The following DOCK3 variants were observed in gnomAD, a reference collection of about 807,000 sequenced individuals.
The protein encoded by DOCK3 is dedicator of cytokinesis 3, also known as dedicator of cytokinesis protein 3.
A neutral mutation model predicts 265.6 loss-of-function variants in DOCK3; 60 were observed. The observed-to-expected ratio is 0.23, with a 90% confidence interval of 0.18 to 0.28. The LOEUF (loss-of-function observed/expected upper bound fraction) is 0.28, where lower values mean the gene tolerates loss of function less well. Among genes scored for constraint, DOCK3 ranks in the 10% least tolerant of loss-of-function variants. The probability of loss-of-function intolerance (pLI) is 1.00; values close to 1 mark genes in which losing one functional copy is unlikely to be tolerated. For missense variants in DOCK3, 1,981 were observed against 2,594.3 expected, an observed-to-expected ratio of 0.76 and a Z score of 5.14; for synonymous variants, 881 against 938.0, an observed-to-expected ratio of 0.94 and a Z score of 1.11.
At chr3:51,356,941 C>A in intron 43 of DOCK3, 21 bp from the exon 44 acceptor site, 1 of 1,602,410 alleles carries the variant, frequency 6.2e-7, no homozygotes, top group Non-Finnish European at 8.5e-7. Context: ...TGGGATGACT[C>A]TGTGTGCTGT....
intron 5 of DOCK3, among the ~76,000 whole-genome samples, chr3:51,058,489 G>T (rs1403932297): frequency 6.6e-6 from 1 of 152,066 alleles, no homozygotes; most frequent in Non-Finnish European, 1.5e-5. Flanking sequence ...TGTGCGTGTG[G>T]CATAGATATT....
intron 1 of DOCK3, among the ~76,000 whole-genome samples, chr3:50,726,615 T>C (rs2037847785): frequency 6.6e-6 from 1 of 152,212 alleles, no homozygotes; most frequent in Non-Finnish European, 1.5e-5. Context: ...TATTATTTTT[T>C]TTCTGTTTTG....
chr3:51,280,661 TGC>T (rs2081060046), intron 27 of DOCK3, among the ~76,000 whole-genome samples: 1 of 152,194 alleles, frequency 6.6e-6, no homozygotes, highest in Non-Finnish European at 1.5e-5. Context: ...ACTGCTCATT[TGC>T]TGCCAAACTC....
At chr3:51,150,212 T>A (rs2085511963) in intron 10 of DOCK3, among the ~76,000 whole-genome samples, 1 of 152,188 alleles carries the variant, frequency 6.6e-6, no homozygotes, top group Non-Finnish European at 1.5e-5. Flanking sequence ...TTATTATGTC[T>A]ATTTGTTTCT....
Position 51,214,260 on chromosome 3 carries a change from G to T in DOCK3, c.1252+13G>T. 6.2e-7 allele frequency: 1 copy of T among 1,612,944 alleles called. No homozygotes were observed. The highest frequency in any genetic ancestry group is 8.5e-7 in the Non-Finnish European group (1 of 1,179,392). On this transcript the variant is annotated intron_variant, in intron 14 of 52. Transcript: ENST00000266037. ...GTCATTATGCCAGGTATGCAGAACT[G>T]CTTGGGGCTGGGAAGGAAGATGGGT...
chr3:50,710,863 A>T (rs1250436048), intron 1 of DOCK3, among the ~76,000 whole-genome samples: 1 of 152,224 alleles, frequency 6.6e-6, no homozygotes, highest in Non-Finnish European at 1.5e-5. Context: ...AGCAACCTGG[A>T]TGGAGTTGGA....
intron 38 of DOCK3, 55 bp from the exon 39 acceptor site, chr3:51,348,797 G>T (rs2085768339): frequency 6.6e-7 from 1 of 1,515,004 alleles, no homozygotes; most frequent in South Asian, 1.2e-5. Context: ...TTTAATGTGG[G>T]CTTAGGCTAT....
At chr3:51,007,247 A>G (rs1203962817) in intron 5 of DOCK3, among the ~76,000 whole-genome samples, 2 of 152,324 alleles carry the variant, frequency 1.3e-5, no homozygotes, top group African/African-American at 4.8e-5. Flanking sequence ...CCAACAGTGT[A>G]AAAGTGTTCC....
At chr3:51,177,118 A>G (rs1403999338) in intron 12 of DOCK3, among the ~76,000 whole-genome samples, 1 of 152,194 alleles carries the variant, frequency 6.6e-6, no homozygotes, top group East Asian at 1.9e-4. Flanking sequence ...ACAGAGGAGG[A>G]TATGGTCACA....
At chr3:51,287,930 T>C (rs1048792713) in intron 27 of DOCK3, among the ~76,000 whole-genome samples, 5 of 152,232 alleles carry the variant, frequency 3.3e-5, no homozygotes, top group South Asian at 2.1e-4. Context: ...GTGCTACATA[T>C]ACACGTTGGA....
chr3:50,675,391 C>A lies in DOCK3; in HGVS notation c.37+91C>A. The stretch of plus-strand genomic sequence containing the variant: ...CTGGATTCGCATCCTCGTGCCCCCG[C>A]CACTGCCCGCAGGCTGCGCGGCCTC... On this transcript the variant is annotated intron_variant, in intron 1 of 52. Coordinates refer to ENST00000266037, the MANE Select transcript of DOCK3 (RefSeq NM_004947.5). The surrounding 1 kb of genome is among the most constrained non-coding windows in gnomAD (Gnocchi z 6.1). 2 of 1,094,866 alleles carry A rather than the reference C, an allele frequency of 1.8e-6. No homozygotes were observed. The highest frequency in any genetic ancestry group is 1.1e-6 in the Non-Finnish European group (1 of 876,380). 67.8% of individuals were successfully genotyped at this position (1,094,866 alleles called of 1,614,324 possible).
intron 3 of DOCK3, chr3:50,863,323 A>G (rs2046997770): frequency 6.1e-6 from 3 of 488,874 alleles, no homozygotes; most frequent in Non-Finnish European, 1.2e-5. Context: ...TTCAGGTCTG[A>G]GGGGAATGCA....
intron 2 of DOCK3, among the ~76,000 whole-genome samples, chr3:50,817,198 G>T (rs1226499691): frequency 2.0e-5 from 3 of 152,186 alleles, no homozygotes; most frequent in Admixed American, 2.0e-4. Context: ...GAGTGTAGCA[G>T]TGAGGACAAC....
chr3:51,312,154 T>G, intron 29 of DOCK3, 75 bp downstream of exon 29: 1 of 1,332,910 alleles, frequency 7.5e-7, no homozygotes, highest in Non-Finnish European at 1.0e-6. Context: ...ACTTGTTTTT[T>G]GCTTTATTAA....
At position 51,160,646 on chromosome 3, in the gene DOCK3, C is replaced by T; in HGVS notation, c.981C>T (p.Val327=). ...GTGCGGTCCTAAGCATCTTGGATGT[C>T]CTACAGTCACTCACAGAAGTAAAGG... ...YGCAVLSILD[V]LQSLTEVKEE... The change falls in exon 12 of 53, where the codon GTC becomes GTT. Residue 327 remains valine (V), a synonymous_variant. Transcript: ENST00000266037. 1.9e-6 allele frequency: 3 copies of T among 1,613,132 alleles called. No homozygotes were observed. The highest frequency in any genetic ancestry group is 2.5e-6 in the Non-Finnish European group (3 of 1,179,506).
chr3:51,010,572 C>T (rs2078904500), intron 5 of DOCK3, among the ~76,000 whole-genome samples: 1 of 152,082 alleles, frequency 6.6e-6, no homozygotes, highest in African/African-American at 2.4e-5. Context: ...ACTCTTTATC[C>T]AAGTTGCCAG....
chr3:51,264,695 C>T (rs2080058277), intron 23 of DOCK3, among the ~76,000 whole-genome samples: 2 of 151,834 alleles, frequency 1.3e-5, no homozygotes, highest in African/African-American at 4.8e-5. Flanking sequence ...GGCATGGTGG[C>T]GGTTACGTGT....
Position 51,277,667 on chromosome 3 carries a change from G to A in DOCK3, c.2736G>A (p.Leu912=). ...MMVESLLDVL[L]QTLLTIMSKS... ...TGGAGAGCCTCCTGGACGTGCTCTT[G>A]CAGACTCTGCTCACCATCATGAGCA... The change falls in exon 26 of 53, where the codon TTG becomes TTA. Residue 912 remains leucine, a synonymous_variant. Coordinates refer to ENST00000266037, the MANE Select transcript of DOCK3 (RefSeq NM_004947.5). The A allele has an allele frequency of 6.2e-7, 1 of 1,604,468 alleles. No individual in the cohort carries two copies. Among genetic ancestry groups the A allele is most frequent in the Non-Finnish European group, 8.5e-7 (1 of 1,175,660 alleles).
chr3:50,808,253 A>G (rs558019959), intron 2 of DOCK3, among the ~76,000 whole-genome samples: 28 of 152,364 alleles, frequency 1.8e-4, no homozygotes, highest in Admixed American at 1.4e-3. Flanking sequence ...TTATGAATTG[A>G]AAGACTATCA....
Sources: gnomAD v4.1 joint callset for allele counts (sites outside exome capture counted in the v4.1 genomes callset) on GRCh38, gnomAD v4.1.1 for gene constraint, Gnocchi (gnomAD v3.1) non-coding constraint, MANE v1.5 for transcripts, NCBI Gene and HGNC (gene_info 2026-07-23, HGNC 2026-07-21) for gene names.